The following MTUS1 variants were observed in gnomAD, a reference collection of about 807,000 sequenced individuals.
The protein encoded by MTUS1 is microtubule-associated tumor suppressor 1.
A neutral mutation model predicts 120.8 loss-of-function variants in MTUS1; 109 were observed. That is an observed-to-expected ratio of 0.90 (90% CI 0.77 to 1.06). The LOEUF is 1.06. MTUS1 is among the 50% of genes least tolerant of loss of function. MTUS1 has a pLI of 0.00. For synonymous variants in MTUS1, 737 were observed against 550.5 expected, an observed-to-expected ratio of 1.34 and a Z score of -4.74; for missense variants, 2,210 against 1,486.3, an observed-to-expected ratio of 1.49 and a Z score of -8.01.
At chr8:17,799,692 G>C (rs1288795316) in intron 1 of MTUS1, among the ~76,000 whole-genome samples, 1 of 151,886 alleles carries the variant, frequency 6.6e-6, no homozygotes, top group Non-Finnish European at 1.5e-5. Context: ...TTGACTTATT[G>C]ACATAATTAA....
intron 1 of MTUS1, among the ~76,000 whole-genome samples, chr8:17,784,811 G>C (rs746869600): frequency 6.7e-6 from 1 of 148,936 alleles, no homozygotes; most frequent in Non-Finnish European, 1.5e-5. Context: ...TTGACACAGA[G>C]GCTTGCTCTA....
intron 9 of MTUS1, chr8:17,654,986 C>T: frequency 3.7e-6 from 1 of 268,122 alleles, no homozygotes; most frequent in Non-Finnish European, 7.2e-6. Flanking sequence ...CTCAACTCTC[C>T]TCTGTCTCCT....
chr8:17,704,647 C>G (rs557603959), intron 6 of MTUS1, among the ~76,000 whole-genome samples: 59 of 152,296 alleles, frequency 3.9e-4, no homozygotes, highest in African/African-American at 1.4e-3. Context: ...TGTGCCAGTA[C>G]CATACTCTTT....
At chr8:17,654,082 C>A (rs895693564) in intron 10 of MTUS1, 2 of 164,608 alleles carry the variant, frequency 1.2e-5, no homozygotes, top group African/African-American at 4.8e-5. Flanking sequence ...AGTAGAAAGA[C>A]TGTGAGCGAC....
intron 1 of MTUS1, among the ~76,000 whole-genome samples, chr8:17,780,503 T>A (rs1586367006): frequency 6.6e-6 from 1 of 152,186 alleles, no homozygotes; most frequent in African/African-American, 2.4e-5. Flanking sequence ...GTTCCTGGTT[T>A]TCAACAAAAG....
intron 5 of MTUS1, among the ~76,000 whole-genome samples, chr8:17,715,138 T>G (rs1025515758): frequency 6.6e-6 from 1 of 152,058 alleles, no homozygotes; most frequent in East Asian, 1.9e-4. Flanking sequence ...ACTCCTGACC[T>G]CAAGCAATCC....
chr8:17,704,738 C>G (rs1017940280), intron 6 of MTUS1, among the ~76,000 whole-genome samples: 6 of 152,094 alleles, frequency 3.9e-5, no homozygotes, highest in African/African-American at 1.4e-4. Flanking sequence ...ATTGTTTTGG[C>G]TATTTGCAGT....
chr8:17,730,283 A>G (rs2046477986), intron 3 of MTUS1, among the ~76,000 whole-genome samples: 1 of 152,160 alleles, frequency 6.6e-6, no homozygotes, highest in African/African-American at 2.4e-5. Flanking sequence ...GGAGTTTGAG[A>G]CCAGTCTGGC....
chr8:17,786,545 C>T (rs939969671), intron 1 of MTUS1, among the ~76,000 whole-genome samples: 3 of 113,656 alleles, frequency 2.6e-5, no homozygotes, highest in African/African-American at 8.5e-5. Flanking sequence ...GCAAGCGACT[C>T]TTTGAAACCA....
intron 4 of MTUS1, chr8:17,721,637 AG>A: frequency 2.7e-6 from 4 of 1,468,292 alleles, no homozygotes; most frequent in Non-Finnish European, 1.8e-6. Flanking sequence ...AGAAGTCAAG[AG>A]ATCCTAAATC....
chr8:17,782,814 A>T (rs756989090), intron 1 of MTUS1, among the ~76,000 whole-genome samples: 3 of 152,190 alleles, frequency 2.0e-5, no homozygotes, highest in African/African-American at 4.8e-5. Context: ...ATGGTAGCTC[A>T]CACCTATAAT....
chr8:17,701,538 C>T (rs1232956767), intron 6 of MTUS1, among the ~76,000 whole-genome samples: 2 of 152,086 alleles, frequency 1.3e-5, no homozygotes, highest in African/African-American at 2.4e-5. Context: ...AACAAAACCT[C>T]ATATGTTCAT....
chr8:17,782,930 T>C (rs998432548), intron 1 of MTUS1, among the ~76,000 whole-genome samples: 1 of 152,006 alleles, frequency 6.6e-6, no homozygotes, highest in South Asian at 2.1e-4. Flanking sequence ...ATACAAAAAT[T>C]AGCCGGGTGT....
intron 5 of MTUS1, among the ~76,000 whole-genome samples, chr8:17,715,384 G>C (rs547410153): frequency 5.9e-5 from 9 of 152,200 alleles, no homozygotes; most frequent in Non-Finnish European, 8.8e-5. Context: ...GAAGAACAAT[G>C]TCTTAGACCA....
At chr8:17,777,243 C>A (rs1227328374) in intron 1 of MTUS1, among the ~76,000 whole-genome samples, 6 of 152,036 alleles carry the variant, frequency 3.9e-5, no homozygotes, top group African/African-American at 1.4e-4. Flanking sequence ...TCGAGACCAG[C>A]CTGGCCAACG....
At chr8:17,684,144 C>A (rs534278119) in intron 7 of MTUS1, among the ~76,000 whole-genome samples, 184 bp downstream of exon 7, 1 of 152,290 alleles carries the variant, frequency 6.6e-6, no homozygotes, top group South Asian at 2.1e-4. Context: ...GAAAATGTTT[C>A]CATCCCAAAT....
rs1233499765 is a variant in MTUS1, at chr8:17,761,723, A to T, written c.-154-5762T>A. On this transcript the variant is annotated intron_variant, in intron 1 of 14. Coordinates refer to ENST00000693296, the MANE Select transcript of MTUS1 (RefSeq NM_001363059.2). ...CTTCATTACTTTATAACCACACAGAATGTAATTTTACTACTTATTTATGTT... is the reference window on the plus strand; with the variant it reads ...CTTCATTACTTTATAACCACACAGATTGTAATTTTACTACTTATTTATGTT... 3.3e-5 allele frequency among the ~76,000 whole-genome samples: 5 copies of T among 152,238 alleles called. No homozygotes were observed. In the East Asian group the frequency reaches 9.6e-4, roughly 29 times the overall value.
chr8:17,798,079 G>A (rs925184983), intron 1 of MTUS1, among the ~76,000 whole-genome samples: 9 of 152,162 alleles, frequency 5.9e-5, no homozygotes, highest in Admixed American at 3.3e-4. Context: ...CTGGCAAAAT[G>A]ATACTACAAA....
At chr8:17,699,097 T>G (rs771899088) in intron 6 of MTUS1, among the ~76,000 whole-genome samples, 6 of 152,166 alleles carry the variant, frequency 3.9e-5, no homozygotes, top group Non-Finnish European at 8.8e-5. Context: ...AGAGTCAAAT[T>G]TTGCCATGAT....
Sources: allele counts gnomAD v4.1 joint callset (sites outside exome capture counted in the v4.1 genomes callset), GRCh38; gene constraint gnomAD v4.1.1; transcripts MANE v1.5; gene names NCBI Gene and HGNC (gene_info 2026-07-23, HGNC 2026-07-21).